The following EFTUD2 variants were observed in gnomAD, a reference collection of about 807,000 sequenced individuals.
EFTUD2 encodes the protein 116 kDa U5 small nuclear ribonucleoprotein component.
Under a neutral mutation model 114.3 loss-of-function variants are expected in EFTUD2, and 9 were observed. That is an observed-to-expected ratio of 0.08 (90% CI 0.05 to 0.14). EFTUD2 has a LOEUF of 0.14. Ranked by LOEUF, EFTUD2 falls within the 10% of genes least tolerant of loss-of-function variation. EFTUD2 has a pLI of 1.00. For missense variants in EFTUD2, 765 were observed against 1,241.2 expected (o/e 0.62, Z 5.76); for synonymous variants, 449 against 462.3 (o/e 0.97, Z 0.37).
chr17:44,889,498 A>C (rs2051239754), intron 2 of EFTUD2, among the ~76,000 whole-genome samples: 1 of 152,186 alleles, frequency 6.6e-6, no homozygotes, highest in African/African-American at 2.4e-5. Context: ...CAGGAGAGAG[A>C]GGGCAGAATT....
At chr17:44,853,837 T>C in intron 23 of EFTUD2, 1 of 1,419,006 alleles carries the variant, frequency 7.0e-7, no homozygotes, top group Non-Finnish European at 9.2e-7. Flanking sequence ...GTTCTTAGTG[T>C]TTGCTTCAGG....
intron 17 of EFTUD2, 144 bp from the exon 18 acceptor site, chr17:44,860,189 G>T: frequency 8.7e-7 from 1 of 1,146,434 alleles, no homozygotes; most frequent in Non-Finnish European, 1.3e-6. Context: ...GGGGTAACCT[G>T]AAGGGCCATT....
intron 14 of EFTUD2, among the ~76,000 whole-genome samples, chr17:44,864,366 A>C (rs1376600245): frequency 6.6e-6 from 1 of 152,184 alleles, no homozygotes; most frequent in Non-Finnish European, 1.5e-5. Flanking sequence ...ACTTAGAATC[A>C]GAGACTGCTG....
intron 26 of EFTUD2, among the ~76,000 whole-genome samples, chr17:44,852,200 A>G (rs2050467325): frequency 6.6e-6 from 1 of 151,552 alleles, no homozygotes; most frequent in Non-Finnish European, 1.5e-5. Flanking sequence ...TACAGGTGTG[A>G]ACCACCATAG....
chr17:44,857,023 G>T, intron 20 of EFTUD2, 52 bp downstream of exon 20: 1 of 1,469,628 alleles, frequency 6.8e-7, no homozygotes. Flanking sequence ...AGATAAAGGA[G>T]AGAGAGTGTC....
At chr17:44,866,958 T>C (rs1222445882) in intron 13 of EFTUD2, among the ~76,000 whole-genome samples, 1 of 152,080 alleles carries the variant, frequency 6.6e-6, no homozygotes, top group Non-Finnish European at 1.5e-5. Context: ...TTTTTAAAAG[T>C]TAGCCAGGCA....
At chr17:44,894,114 G>A in intron 2 of EFTUD2, 1 of 254,624 alleles carries the variant, frequency 3.9e-6, no homozygotes, top group African/African-American at 2.3e-5. Flanking sequence ...GGTGGCTCAT[G>A]CCTGTAATCC....
At chr17:44,869,970 A>G (rs2050817651) in intron 11 of EFTUD2, among the ~76,000 whole-genome samples, 1 of 152,236 alleles carries the variant, frequency 6.6e-6, no homozygotes, top group African/African-American at 2.4e-5. Context: ...ACATGGTATC[A>G]GTTTTGGTAG....
intron 2 of EFTUD2, chr17:44,894,211 T>G: frequency 2.1e-6 from 1 of 479,706 alleles, no homozygotes; most frequent in Non-Finnish European, 3.7e-6. Context: ...CCACGAAAAA[T>G]AAAAAAAAAT....
At position 44,886,197 on chromosome 17, in the gene EFTUD2, G is replaced by A. The variant is rs183830950; in HGVS notation, c.271+388C>T. Among the ~76,000 whole-genome samples the A allele has an allele frequency of 3.9e-3, 600 of 152,204 alleles. 1 individual carries two copies. Among genetic ancestry groups the A allele is most frequent in the Middle Eastern group, 0.027 (8 of 294 alleles). ...TGCAGTGAGCCAAGATTGTGCCACC[G>A]TAATCCAGCATGGGCGACAGAGCAA... On this transcript the variant is annotated intron_variant, in intron 3 of 27. Transcript: ENST00000426333.
At chr17:44,858,320 C>T (rs979028166) in intron 19 of EFTUD2, among the ~76,000 whole-genome samples, 1 of 152,184 alleles carries the variant, frequency 6.6e-6, no homozygotes, top group East Asian at 1.9e-4. Context: ...ACTGCAGCCT[C>T]GAACTGCTGG....
chr17:44,873,825 G>A (rs1379152369), intron 10 of EFTUD2, among the ~76,000 whole-genome samples: 29 of 149,136 alleles, frequency 1.9e-4, no homozygotes, highest in African/African-American at 6.7e-4. Flanking sequence ...TCCGTCTCCC[G>A]GGTTCACGCC....
intron 13 of EFTUD2, among the ~76,000 whole-genome samples, chr17:44,867,440 C>T (rs1045791309): frequency 6.6e-6 from 1 of 151,798 alleles, no homozygotes; most frequent in African/African-American, 2.4e-5. Context: ...GCTGGGACTA[C>T]AGGCGCCCGC....
chr17:44,874,035 C>CTTTTT, intron 10 of EFTUD2, among the ~76,000 whole-genome samples: 1 of 115,476 alleles, frequency 8.7e-6, no homozygotes, highest in African/African-American at 3.3e-5. Flanking sequence ...TGCCCGGCCT[C>CTTTTT]TTTTTTTTTT....
At chr17:44,883,804 T>A (rs1001040746) in intron 4 of EFTUD2, 80 bp from the exon 5 acceptor site, 2 of 1,443,678 alleles carry the variant, frequency 1.4e-6, no homozygotes, top group African/African-American at 1.4e-5. Flanking sequence ...GTTTCAGGTA[T>A]TTTTTGGCCA....
chr17:44,886,679 C>T lies in EFTUD2; in HGVS notation c.177G>A (p.Leu59=). The T allele has an allele frequency of 1.2e-6, 2 of 1,614,180 alleles. No individual in the cohort carries two copies. Among genetic ancestry groups the T allele is most frequent in the Non-Finnish European group, 8.5e-7 (1 of 1,180,024 alleles). ...TTGGGTAGTACTTCTTGTCCTCATGCAGCACCACCTCCATCCCAGGGTGGT... is the reference window on the plus strand; with the variant it reads ...TTGGGTAGTACTTCTTGTCCTCATGTAGCACCACCTCCATCCCAGGGTGGT... ...DDDHPGMEVV[L]HEDKKYYPTA... The change falls in exon 3 of 28, where the codon CTG becomes CTA. Residue 59 remains leucine, a synonymous_variant. Coordinates refer to ENST00000426333, the MANE Select transcript of EFTUD2 (RefSeq NM_004247.4).
intron 17 of EFTUD2, 154 bp downstream of exon 17, chr17:44,860,278 T>C (rs1475603062): frequency 4.0e-6 from 3 of 741,830 alleles, no homozygotes; most frequent in Admixed American, 5.1e-5. Context: ...GCATCTGAAC[T>C]GAGTACAGGG....
chr17:44,886,641 A>G lies in EFTUD2; in HGVS notation c.215T>C (p.Val72Ala). The change falls in exon 3 of 28, where the codon GTG becomes GCG. Residue 72 changes from valine (V) to alanine (A), a missense_variant. Val to Ala is a moderately conservative substitution (Grantham distance 64). This residue lies in a region of EFTUD2 where 121 missense variants were observed against 133.7 expected (regional missense o/e 0.90). Transcript: ENST00000426333. ...TATGGTCTCCACCTCAGGACCATAC[A>G]CCTCCTCGGCTGTTGGGTAGTACTT... ...DKKYYPTAEE[V>A]YGPEVETIVQ... is the part of the protein sequence containing the mutation. The G allele has an allele frequency of 6.2e-7, 1 of 1,613,998 alleles. No homozygotes were observed. The highest frequency in any genetic ancestry group is 8.5e-7 in the Non-Finnish European group (1 of 1,179,994).
rs139682073 is a variant in EFTUD2 at position 44,872,737 on chromosome 17, G to A, written c.870-167C>T. ...GCCTGGTCCAAGAAAGTGACATGAT[G>A]GAGCTGTTCCCCTAATTCCCAATAA... On this transcript the variant is annotated intron_variant, in intron 10 of 27. Transcript: ENST00000426333. 1.5e-5 allele frequency: 10 copies of A among 675,790 alleles called. No individual in the cohort carries two copies. In the East Asian group the frequency reaches 3.9e-4, roughly 27 times the overall value. 41.9% of individuals were successfully genotyped at this position (675,790 alleles called of 1,614,324 possible). A position where few individuals can be genotyped will look rare whatever the true frequency, so the allele number is the denominator to read the frequency against.
Sources: gnomAD v4.1 joint callset for allele counts (sites outside exome capture counted in the v4.1 genomes callset) on GRCh38, gnomAD v4.1.1 for gene constraint, gnomAD v4.1.1 regional missense constraint, MANE v1.5 for transcripts, NCBI Gene and HGNC (gene_info 2026-07-23, HGNC 2026-07-21) for gene names.